Variants in ANXA4 observed in about 807,000 individuals in gnomAD.
ANXA4 encodes 35-beta calcimedin.
In ANXA4, 39 loss-of-function variants were observed where a neutral mutation model predicts 49.8. The ratio of observed to expected loss-of-function variants is 0.78; its 90% CI spans 0.61 to 1.02. The LOEUF (loss-of-function observed/expected upper bound fraction) is 1.02, where lower values mean the gene tolerates loss of function less well. Among genes scored for constraint, ANXA4 ranks in the 50% least tolerant of loss-of-function variants. The probability of loss-of-function intolerance (pLI) is 0.00; values close to 1 mark genes in which losing one functional copy is unlikely to be tolerated. For missense variants in ANXA4, 360 were observed against 410.1 expected (o/e 0.88, Z 1.05); for synonymous variants, 134 against 152.5 (o/e 0.88, Z 0.89).
chr2:69,739,154 G>A (rs370012116), upstream of ANXA4, among the ~76,000 whole-genome samples: 70 of 152,254 alleles, frequency 4.6e-4, no homozygotes, highest in East Asian at 0.011. Context: ...ACAAGAAATC[G>A]TCCTGGGTTT....
chr2:69,713,834 A>G (rs1479132199), intron 2 of ANXA4: 2 of 152,234 alleles, frequency 1.3e-5, no homozygotes, highest in Non-Finnish European at 2.9e-5. Flanking sequence ...TCACAAAAAG[A>G]AAGAATGGGG....
At chr2:69,810,173 A>AAATGACAG (rs373671008) in intron 6 of ANXA4, 251 of 164,088 alleles carry the variant, frequency 1.5e-3, no homozygotes, top group African/African-American at 5.7e-3. Flanking sequence ...AGCCTGGCCA[A>AAATGACAG]AATGACAGAA....
In ANXA4 at chr2:69,658,682, T is replaced by A. The variant is rs1013391748; in HGVS notation, n.766+5400T>A. Among the ~76,000 whole-genome samples, 8 of 152,318 alleles carry A rather than the reference T, an allele frequency of 5.3e-5. No individual in the cohort carries two copies. In the East Asian group the frequency reaches 1.5e-3, roughly 29 times the overall value. On this transcript the variant is annotated intron_variant and non_coding_transcript_variant, in intron 2 of 3. Transcript: ENST00000418066. ...TTATAATGTGATTTAAATTTATTTT[T>A]ATTTATTTATTCATTTGTTTACTTT...
intron 1 of ANXA4, among the ~76,000 whole-genome samples, chr2:69,758,137 G>A (rs1000734547): frequency 2.6e-5 from 4 of 151,936 alleles, no homozygotes; most frequent in African/African-American, 9.7e-5. Context: ...CTCAGCATCC[G>A]GCATAGCTGG....
intron 3 of ANXA4, among the ~76,000 whole-genome samples, chr2:69,730,074 A>T (rs79199854): frequency 0.066 from 10,037 of 152,280 alleles, 979 homozygotes; most frequent in African/African-American, 0.22. Flanking sequence ...GCACGATGGC[A>T]CACACATGTA....
chr2:69,696,402 C>A (rs1009248227), intron 2 of ANXA4, among the ~76,000 whole-genome samples: 1 of 152,188 alleles, frequency 6.6e-6, no homozygotes, highest in Non-Finnish European at 1.5e-5. Flanking sequence ...AATTCCAGTT[C>A]TCTTGCTATT....
chr2:69,685,290 C>T (rs1340214857), intron 2 of ANXA4, among the ~76,000 whole-genome samples: 4 of 152,076 alleles, frequency 2.6e-5, no homozygotes, highest in Non-Finnish European at 4.4e-5. Flanking sequence ...GTTACCAGCC[C>T]AGTACCTCAG....
intron 3 of ANXA4, among the ~76,000 whole-genome samples, chr2:69,726,924 C>T (rs1004375770): frequency 6.6e-6 from 1 of 152,136 alleles, no homozygotes; most frequent in Non-Finnish European, 1.5e-5. Context: ...GTTCTGTCGC[C>T]CAGGCTGGAG....
At chr2:69,699,731 ACC>A (rs1162537509) in intron 2 of ANXA4, among the ~76,000 whole-genome samples, 1 of 152,254 alleles carries the variant, frequency 6.6e-6, no homozygotes. Flanking sequence ...TACTCCTAAA[ACC>A]TGAGGGGTAA....
chr2:69,797,654 A>G (rs1037409348), intron 3 of ANXA4, among the ~76,000 whole-genome samples: 9 of 152,214 alleles, frequency 5.9e-5, no homozygotes, highest in African/African-American at 2.2e-4. Context: ...TTTAGATGCC[A>G]TTCTAGTTGT....
intron 6 of ANXA4, 175 bp from the exon 7 acceptor site, chr2:69,810,419 C>T: frequency 1.7e-6 from 1 of 603,450 alleles, no homozygotes; most frequent in Non-Finnish European, 3.0e-6. Flanking sequence ...ATAAGCTGAT[C>T]TTGACCATTT....
intron 2 of ANXA4, among the ~76,000 whole-genome samples, chr2:69,686,555 C>T (rs1045814246): frequency 1.3e-5 from 2 of 152,186 alleles, no homozygotes; most frequent in African/African-American, 2.4e-5. Flanking sequence ...CAGGCTCAAG[C>T]GCTCCTCCCA....
chr2:69,666,129 G>A (rs1676923792), intron 2 of ANXA4, among the ~76,000 whole-genome samples: 3 of 152,172 alleles, frequency 2.0e-5, no homozygotes, highest in Non-Finnish European at 2.9e-5. Context: ...ACTTGAACCT[G>A]GGAGGCAGAG....
At chr2:69,678,166 CT>C (rs1677471364) in intron 2 of ANXA4, among the ~76,000 whole-genome samples, 1 of 152,106 alleles carries the variant, frequency 6.6e-6, no homozygotes, top group African/African-American at 2.4e-5. Flanking sequence ...CGTTTTGCCC[CT>C]ATGACATTTA....
intron 3 of ANXA4, among the ~76,000 whole-genome samples, chr2:69,796,996 A>G (rs1344399156): frequency 7.2e-6 from 1 of 138,868 alleles, no homozygotes; most frequent in Non-Finnish European, 1.6e-5. Flanking sequence ...GATCTAATTG[A>G]TGGATAAGAT....
intron 4 of ANXA4, among the ~76,000 whole-genome samples, chr2:69,805,046 C>CAAAAAAAAAAAAA (rs60172949): frequency 8.4e-5 from 3 of 35,878 alleles, no homozygotes; most frequent in African/African-American, 1.5e-4. Context: ...GACTCCATCT[C>CAAAAAAAAAAAAA]AAAAAAAAAA....
At chr2:69,771,355 C>T (rs1261858577) in intron 1 of ANXA4, among the ~76,000 whole-genome samples, 1 of 152,138 alleles carries the variant, frequency 6.6e-6, no homozygotes, top group African/African-American at 2.4e-5. Context: ...AGCATCTGTG[C>T]CAGTTTTGCA....
intron 2 of ANXA4, among the ~76,000 whole-genome samples, chr2:69,678,878 TATTG>T (rs1435152341): frequency 1.3e-5 from 2 of 152,302 alleles, no homozygotes; most frequent in African/African-American, 4.8e-5. Context: ...TAATTTTATT[TATTG>T]ATTAATAGTG....
intron 2 of ANXA4, among the ~76,000 whole-genome samples, chr2:69,678,132 A>G (rs143443615): frequency 4.6e-5 from 7 of 152,258 alleles, no homozygotes; most frequent in Non-Finnish European, 1.0e-4. Flanking sequence ...TGAAACTGCA[A>G]TATCTGCGAG....
Sources: allele counts gnomAD v4.1 joint callset (sites outside exome capture counted in the v4.1 genomes callset), GRCh38; gene constraint gnomAD v4.1.1; transcripts MANE v1.5; gene names NCBI Gene and HGNC (gene_info 2026-07-23, HGNC 2026-07-21).